Variants in ATP2A3 observed in about 807,000 individuals in gnomAD.
ATP2A3 encodes sarcoplasmic/endoplasmic reticulum calcium ATPase 3.
ATP2A3 carries 61 observed loss-of-function variants against 106.8 expected under a neutral mutation model. The ratio of observed to expected loss-of-function variants is 0.57; its 90% CI spans 0.46 to 0.71. The LOEUF (loss-of-function observed/expected upper bound fraction) is 0.71. Ranked by LOEUF, ATP2A3 falls within the 30% of genes least tolerant of loss-of-function variation. ATP2A3 has a pLI of 0.00. For synonymous variants in ATP2A3, 611 were observed against 609.3 expected, an observed-to-expected ratio of 1.00 and a Z score of -0.04; for missense variants, 1,201 against 1,423.5, an observed-to-expected ratio of 0.84 and a Z score of 2.52.
In ATP2A3 at chr17:3,928,577, G is replaced by T; in HGVS notation, c.2980+86C>A. 2 of 1,242,980 alleles carry T rather than the reference G, an allele frequency of 1.6e-6. No homozygotes were observed. Among genetic ancestry groups the T allele is most frequent in the Non-Finnish European group, 2.3e-6 (2 of 868,622 alleles). The allele number at this position is 1,242,980 out of a possible 1,614,324, so 77.0% of individuals were successfully genotyped here. The stretch of plus-strand genomic sequence containing the variant: ...CGATGTGCAGACAGAGAGGCTCTGC[G>T]CTCCACACCCACAGCGTCCACTGCA... On this transcript the variant is annotated intron_variant, in intron 20 of 20. Transcript: ENST00000397041. This position sits in a 1 kb window ranked among gnomAD's most constrained non-coding sequence, Gnocchi z 6.1.
chr17:3,933,001 G>A (rs1415207393), intron 17 of ATP2A3, among the ~76,000 whole-genome samples: 1 of 151,778 alleles, frequency 6.6e-6, no homozygotes, highest in Non-Finnish European at 1.5e-5. Flanking sequence ...GGATGTTTCG[G>A]CCGGGCACGG....
intron 7 of ATP2A3, among the ~76,000 whole-genome samples, chr17:3,948,958 G>T (rs1485037544): frequency 6.6e-6 from 1 of 151,922 alleles, no homozygotes; most frequent in Non-Finnish European, 1.5e-5. Context: ...GTGAAACCCC[G>T]TCTCTAGTAA....
In ATP2A3 at chr17:3,926,983, G is replaced by T. The variant is rs976060184; in HGVS notation, c.2981-1542C>A. On this transcript the variant is annotated intron_variant, in intron 20 of 20. Transcript: ENST00000397041. The surrounding 1 kb of genome is among the most constrained non-coding windows in gnomAD (Gnocchi z 4.6). The stretch of plus-strand genomic sequence containing the variant: ...GGACAATGTCCAGGGTCTCTACCTT[G>T]GCACTCAAGGCCCTTGCCCCTGCCG... 2.0e-6 allele frequency: 2 copies of T among 985,436 alleles called. No homozygotes were observed. Among genetic ancestry groups the T allele is most frequent in the Non-Finnish European group, 2.4e-6 (2 of 829,928 alleles). 61.0% of individuals were successfully genotyped at this position (985,436 alleles called of 1,614,324 possible).
Position 3,964,292 on chromosome 17 carries a change from G to T in ATP2A3, c.-1C>A, listed in dbSNP as rs2055316737. Reference sequence around the variant, plus strand: ...CCGGGAGCAGATGCGCCGCCTCCATGCCGCCCGCCCGGCCGTCTGCGCCGT... The same window carrying T: ...CCGGGAGCAGATGCGCCGCCTCCATTCCGCCCGCCCGGCCGTCTGCGCCGT... On this transcript the variant is annotated 5_prime_UTR_variant, in exon 1 of 21. Transcript: ENST00000397041. 8.0e-7 allele frequency: 1 copy of T among 1,257,668 alleles called. No homozygotes were observed. Among genetic ancestry groups the T allele is most frequent in the Non-Finnish European group, 1.0e-6 (1 of 987,738 alleles). The allele number at this position is 1,257,668 out of a possible 1,614,324, so 77.9% of individuals were successfully genotyped here. A position where few individuals can be genotyped will look rare whatever the true frequency, so the allele number is the denominator to read the frequency against.
In ATP2A3 at chr17:3,964,258, C is replaced by A. The variant is rs2055310451; in HGVS notation, c.34G>T (p.Val12Leu). The A allele has an allele frequency of 1.3e-5, 17 of 1,282,846 alleles. No individual in the cohort carries two copies. Among genetic ancestry groups the A allele is most frequent in the Admixed American group, 3.3e-5 (1 of 30,704 alleles). The allele number at this position is 1,282,846 out of a possible 1,614,324, so 79.5% of individuals were successfully genotyped here. A position where few individuals can be genotyped will look rare whatever the true frequency, so the allele number is the denominator to read the frequency against. The part of the protein sequence containing the change: ...EAAHLLPAAD[V>L]LRHFSVTAEG... ...GCTGTCACCGAGAAGTGGCGCAGCA[C>A]GTCGGCGGCCGGGAGCAGATGCGCC... The change falls in exon 1 of 21, where the codon GTG becomes TTG. Residue 12 changes from valine to leucine, a missense_variant. Coordinates refer to ENST00000397041, the MANE Select transcript of ATP2A3 (RefSeq NM_005173.4).
chr17:3,944,643 GA>G, intron 10 of ATP2A3, 60 bp downstream of exon 10: 1 of 1,556,340 alleles, frequency 6.4e-7, no homozygotes, highest in African/African-American at 1.4e-5. Flanking sequence ...TTGAGGCTGG[GA>G]AAAGGGTCTG....
intron 1 of ATP2A3, among the ~76,000 whole-genome samples, chr17:3,958,831 T>C (rs994326373): frequency 3.0e-5 from 4 of 131,710 alleles, no homozygotes; most frequent in South Asian, 2.2e-4. Context: ...CACATATATA[T>C]ACACACACAC....
At chr17:3,960,757 C>A (rs997592372) in intron 1 of ATP2A3, among the ~76,000 whole-genome samples, 2 of 152,220 alleles carry the variant, frequency 1.3e-5, no homozygotes, top group Non-Finnish European at 2.9e-5. Context: ...CAGCAGAGAA[C>A]CAGCCGTTCA....
In ATP2A3 at chr17:3,950,588, C is replaced by T. The variant is rs370715957; in HGVS notation, c.553G>A (p.Val185Met). ...VDQSILTGES[V>M]SVTKHTEAIP... is the part of the protein sequence containing the mutation. ...GCCTCTGTGTGCTTGGTCACGGACA[C>T]AGATTCACCTGGTCAGGGAATCAGA... The change falls in exon 7 of 21, where the codon GTG (valine) becomes ATG (methionine). Residue 185 changes from valine (V) to methionine (M), a missense_variant. Around this residue, in one of 2 missense-constraint regions of ATP2A3, gnomAD observed 935 missense variants for 1,176.7 expected, o/e 0.79. Transcript: ENST00000397041. 14 of 1,614,164 alleles carry T rather than the reference C, an allele frequency of 8.7e-6. No homozygotes were observed. Among genetic ancestry groups the T allele is most frequent in the Admixed American group, 1.7e-5 (1 of 60,022 alleles).
chr17:3,950,667 TC>T lies in ATP2A3; in HGVS notation c.544+25del, dbSNP rs767796586. On this transcript the variant is annotated intron_variant, in intron 6 of 20. Transcript: ENST00000397041. The stretch of plus-strand genomic sequence containing the variant: ...CATCCCTTAGTCCTGGCCCACTAGG[TC>T]CCGGCCTCCTGGGGGGGGCCTCACC... 1.4e-4 allele frequency: 219 copies of T among 1,613,488 alleles called. 4 individuals are homozygous for T. The Admixed American group carries it at 3.6e-3, about 26-fold the overall frequency.
At chr17:3,949,158 T>C (rs2054280763) in intron 7 of ATP2A3, among the ~76,000 whole-genome samples, 1 of 142,532 alleles carries the variant, frequency 7.0e-6, no homozygotes, top group African/African-American at 2.6e-5. Flanking sequence ...AAAAAAGGAG[T>C]TCTGGGTGAG....
Position 3,930,594 on chromosome 17 carries a change from GTC to G in ATP2A3, c.2611-162_2611-161del. 2 of 975,608 alleles carry G rather than the reference GTC, an allele frequency of 2.0e-6. No homozygotes were observed. Among genetic ancestry groups the G allele is most frequent in the East Asian group, 2.7e-5 (1 of 36,422 alleles). 60.4% of individuals were successfully genotyped at this position (975,608 alleles called of 1,614,324 possible). On this transcript the variant is annotated intron_variant, in intron 17 of 20. Coordinates refer to ENST00000397041, the MANE Select transcript of ATP2A3 (RefSeq NM_005173.4). This position sits in a 1 kb window ranked among gnomAD's most constrained non-coding sequence, Gnocchi z 5.4. ...CTGGGGATCCCGGGAGGGGTGCGGG[GTC>G]GGGGCGGCGGTGGGGAGAGCTGCAC...
At chr17:3,948,004 A>G (rs1390824276) in intron 7 of ATP2A3, 149 bp from the exon 8 acceptor site, 1 of 771,066 alleles carries the variant, frequency 1.3e-6, no homozygotes, top group Non-Finnish European at 2.1e-6. Context: ...TCCTGTAGCT[A>G]TGTATGCACG....
chr17:3,941,315 A>T lies in ATP2A3; in HGVS notation c.1765-9T>A. 1 of 1,613,502 alleles carries T rather than the reference A, an allele frequency of 6.2e-7. No homozygotes were observed. The highest frequency in any genetic ancestry group is 8.5e-7 in the Non-Finnish European group (1 of 1,179,798). On this transcript the variant is annotated splice_polypyrimidine_tract_variant and intron_variant, in intron 13 of 20. Transcript: ENST00000397041. ...ACGAAGGTCAGGTCCGTCTGTAGGG[A>T]GGGGGCAGATTCAAGCGGGGCCTGA... is the stretch of plus-strand genomic sequence containing the variant.
Position 3,950,496 on chromosome 17 carries a change from A to G in ATP2A3, c.630+15T>C. ...TTATCATTGTCTGGGCAAAGGCCCC[A>G]GACATTTGACTTACAGAAAACAGCA... On this transcript the variant is annotated intron_variant, in intron 7 of 20. Transcript: ENST00000397041. 6.2e-7 allele frequency: 1 copy of G among 1,612,314 alleles called. No homozygotes were observed.
chr17:3,941,282 C>T lies in ATP2A3; in HGVS notation c.1789G>A (p.Val597Ile), dbSNP rs145622255. ...YETDLTFVGC[V>I]GMLDPPRPEV... ...GGTCGCGGCGGGTCCAGCATGCCTA[C>T]GCAGCCCACGAAGGTCAGGTCCGTC... The change falls in exon 14 of 21, where the codon GTA becomes ATA. Residue 597 changes from valine (V) to isoleucine (I), a missense_variant. Around this residue, in one of 2 missense-constraint regions of ATP2A3, gnomAD observed 935 missense variants for 1,176.7 expected, o/e 0.79. Coordinates refer to ENST00000397041, the MANE Select transcript of ATP2A3 (RefSeq NM_005173.4). 48 of 1,613,562 alleles carry T rather than the reference C, an allele frequency of 3.0e-5. No individual in the cohort carries two copies. Among genetic ancestry groups the T allele is most frequent in the Middle Eastern group, 1.6e-4 (1 of 6,084 alleles).
intron 7 of ATP2A3, among the ~76,000 whole-genome samples, chr17:3,949,759 AGTGC>A (rs1234609400): frequency 6.6e-6 from 1 of 152,244 alleles, no homozygotes; most frequent in African/African-American, 2.4e-5. Flanking sequence ...AGCTTAGAAC[AGTGC>A]CAGGCACACA....
In ATP2A3 at chr17:3,939,997, C is replaced by T. The variant is rs148376777; in HGVS notation, c.2100+974G>A. Among the ~76,000 whole-genome samples, 560 of 143,364 alleles carry T rather than the reference C, an allele frequency of 3.9e-3. 8 individuals are homozygous for T. The highest frequency in any genetic ancestry group is 0.014 in the African/African-American group (537 of 37,870). The allele number at this position is 143,364 out of a possible 152,430, so 94.1% of individuals were successfully genotyped here. On this transcript the variant is annotated intron_variant, in intron 14 of 20. Transcript: ENST00000397041. ...GGACAGAGATGGGGAAGGCGTGTGA[C>T]GGAACTTCATGGGTTGATGGTAATG...
In ATP2A3 at chr17:3,942,626, C is replaced by A. The variant is rs1399281175; in HGVS notation, c.1525G>T (p.Gly509Cys). 6.2e-7 allele frequency: 1 copy of A among 1,612,358 alleles called. No individual in the cohort carries two copies. The highest frequency in any genetic ancestry group is 8.5e-7 in the Non-Finnish European group (1 of 1,179,834). Residue 509 changes from glycine (G) to cysteine (C), a missense_variant, in exon 12 of 21, where the codon GGC becomes TGC. Physicochemically the swap from Gly to Cys is radical, Grantham distance 159. Around this residue, in one of 2 missense-constraint regions of ATP2A3, gnomAD observed 935 missense variants for 1,176.7 expected, o/e 0.79. Coordinates refer to ENST00000397041, the MANE Select transcript of ATP2A3 (RefSeq NM_005173.4). ...CCCACCTTCACAAACATCTTGCTGC[C>A]CTGGCCAGTAGGGTGAGGGCGGGTG... is the stretch of plus-strand genomic sequence containing the variant. ...TPTRPHPTGQ[G>C]SKMFVKGAPE...
Sources: allele counts gnomAD v4.1 joint callset (sites outside exome capture counted in the v4.1 genomes callset), GRCh38; gene constraint gnomAD v4.1.1; regional missense constraint gnomAD v4.1.1; non-coding constraint Gnocchi (gnomAD v3.1); transcripts MANE v1.5; gene names NCBI Gene and HGNC (gene_info 2026-07-23, HGNC 2026-07-21).